Variants in ITIH3 observed in about 807,000 individuals in gnomAD.
ITIH3 encodes the protein inter-alpha-trypsin inhibitor heavy chain 3, also known as inter-alpha-trypsin inhibitor heavy chain H3.
ITIH3 carries 81 observed loss-of-function variants against 96.5 expected under a neutral mutation model. That is an observed-to-expected ratio of 0.84 (90% CI 0.70 to 1.01). The LOEUF (loss-of-function observed/expected upper bound fraction) is 1.01. Among genes scored for constraint, ITIH3 ranks in the 50% least tolerant of loss-of-function variants. The probability of loss-of-function intolerance (pLI) is 0.00; values close to 1 mark genes in which losing one functional copy is unlikely to be tolerated. For missense variants in ITIH3, 1,057 were observed against 1,139.3 expected (o/e 0.93, Z 1.04); for synonymous variants, 422 against 445.2 (o/e 0.95, Z 0.66).
rs887013082 is a variant in ITIH3 at position 52,796,345 on chromosome 3, G to T, written c.115-136G>T. ...AGACGCCACCAAGTCTTCCAGTGTAGAAGACCTGGAGGATGAGGGTTGCGT... is the reference window on the plus strand; with the variant it reads ...AGACGCCACCAAGTCTTCCAGTGTATAAGACCTGGAGGATGAGGGTTGCGT... On this transcript the variant is annotated intron_variant, in intron 2 of 21. Transcript: ENST00000449956. 4.3e-6 allele frequency: 3 copies of T among 701,492 alleles called. No individual in the cohort carries two copies. In the African/African-American group the frequency reaches 5.4e-5, roughly 13 times the overall value. 43.5% of individuals were successfully genotyped at this position (701,492 alleles called of 1,614,324 possible).
chr3:52,799,219 C>T, intron 7 of ITIH3, 128 bp downstream of exon 7: 1 of 1,292,520 alleles, frequency 7.7e-7, no homozygotes, highest in Non-Finnish European at 1.1e-6. Flanking sequence ...TGTGGGACAG[C>T]TGATGGCCTA....
Position 52,804,320 on chromosome 3 carries a change from G to T in ITIH3, c.1864+311G>T, listed in dbSNP as rs1578760389. 1.6e-5 allele frequency: 7 copies of T among 447,864 alleles called. No individual in the cohort carries two copies. In the East Asian group the frequency reaches 2.8e-4, roughly 18 times the overall value. The allele number at this position is 447,864 out of a possible 1,614,324, so 27.7% of individuals were successfully genotyped here. On this transcript the variant is annotated intron_variant, in intron 14 of 21. Coordinates refer to ENST00000449956, the MANE Select transcript of ITIH3 (RefSeq NM_002217.4). ...ATGGAAGGGCTTAGTTAGACAAGAAGAAGCACTTCCAACATGAAAGGCCTG... is the reference window on the plus strand; with the variant it reads ...ATGGAAGGGCTTAGTTAGACAAGAATAAGCACTTCCAACATGAAAGGCCTG...
chr3:52,803,948 G>A lies in ITIH3; in HGVS notation c.1803G>A (p.Met601Ile), dbSNP rs779589523. Reference sequence around the variant, plus strand: ...ACTTTGTGACTCCACTGACCTCAATGGTGGTGACCAAGCCTGAGGACAACG... The same window carrying A: ...ACTTTGTGACTCCACTGACCTCAATAGTGGTGACCAAGCCTGAGGACAACG... ...KYHFVTPLTS[M>I]VVTKPEDNED... is the part of the protein sequence containing the mutation. The change falls in exon 14 of 22, where the codon ATG becomes ATA. Residue 601 changes from methionine (M) to isoleucine (I), a missense_variant. Met to Ile is a conservative substitution (Grantham distance 10, BLOSUM62 1). Coordinates refer to ENST00000449956, the MANE Select transcript of ITIH3 (RefSeq NM_002217.4). The A allele has an allele frequency of 4.3e-6, 7 of 1,613,786 alleles. No individual in the cohort carries two copies. The African/African-American group carries it at 9.3e-5, about 22-fold the overall frequency.
chr3:52,796,163 G>A, intron 2 of ITIH3: 1 of 299,284 alleles, frequency 3.3e-6, no homozygotes, highest in Non-Finnish European at 6.2e-6. Context: ...AGGGGCAGAT[G>A]CTCCAGAGCC....
At position 52,799,080 on chromosome 3, in the gene ITIH3, G is replaced by C; in HGVS notation, c.778G>C (p.Gly260Arg). Reference sequence around the variant, plus strand: ...CTATGACGTGAACAGAGAATCTCCTGGCAACGTGCAGGTACCCGGGCTGGC... The same window carrying C: ...CTATGACGTGAACAGAGAATCTCCTCGCAACGTGCAGGTACCCGGGCTGGC... ...ITYDVNRESP[G>R]NVQIVNGYFV... The change falls in exon 7 of 22, where the codon GGC (glycine) becomes CGC (arginine). Residue 260 changes from glycine to arginine, a missense_variant. Physicochemically the swap from Gly to Arg is moderately radical, Grantham distance 125 (BLOSUM62 -2). Transcript: ENST00000449956. The C allele has an allele frequency of 6.2e-7, 1 of 1,613,512 alleles. No individual in the cohort carries two copies. The highest frequency in any genetic ancestry group is 8.5e-7 in the Non-Finnish European group (1 of 1,179,732).
Position 52,797,287 on chromosome 3 carries a change from G to A in ITIH3, c.549+20G>A, listed in dbSNP as rs1301979160. 7 of 1,585,040 alleles carry A rather than the reference G, an allele frequency of 4.4e-6. No individual in the cohort carries two copies. The highest frequency in any genetic ancestry group is 6.0e-6 in the Non-Finnish European group (7 of 1,162,762). ...TTTGAGGTAATCAACCGCCCCTGCA[G>A]ACCTGGGGGGACGGCAGCGGGGTGC... On this transcript the variant is annotated intron_variant, in intron 5 of 21. Transcript: ENST00000449956.
In ITIH3 at chr3:52,803,931, A is replaced by T. The variant is rs1433505888; in HGVS notation, c.1786A>T (p.Thr596Ser). The T allele has an allele frequency of 6.2e-7, 1 of 1,613,624 alleles. No individual in the cohort carries two copies. The highest frequency in any genetic ancestry group is 8.5e-7 in the Non-Finnish European group (1 of 1,179,760). The change falls in exon 14 of 22, where the codon ACT becomes TCT. Residue 596 changes from threonine (T) to serine (S), a missense_variant. Thr to Ser is a moderately conservative substitution (Grantham distance 58). Transcript: ENST00000449956. ...CCTGTCCCTCAAGTATCACTTTGTG[A>T]CTCCACTGACCTCAATGGTGGTGAC... ...LDLSLKYHFVTPLTSMVVTKP... is the reference protein window; with the variant it reads ...LDLSLKYHFVSPLTSMVVTKP...
chr3:52,804,415 C>T (rs1437459280), intron 14 of ITIH3: 20 of 450,210 alleles, frequency 4.4e-5, no homozygotes, highest in Non-Finnish European at 8.0e-5. Flanking sequence ...GGGACCCCCT[C>T]AACCAGACCC....
At chr3:52,801,467 CA>C (rs1421698639) in intron 11 of ITIH3, among the ~76,000 whole-genome samples, 1 of 152,164 alleles carries the variant, frequency 6.6e-6, no homozygotes, top group Non-Finnish European at 1.5e-5. Flanking sequence ...GCTGCCATAC[CA>C]AAGTACCAAG....
chr3:52,804,036 C>T (rs1254161142), intron 14 of ITIH3, 27 bp downstream of exon 14: 1 of 1,601,270 alleles, frequency 6.2e-7, no homozygotes, highest in Admixed American at 1.7e-5. Flanking sequence ...AGGCCGGAAC[C>T]CGGAGGCCTC....
chr3:52,801,300 T>C (rs1229779264), intron 11 of ITIH3, among the ~76,000 whole-genome samples, 154 bp downstream of exon 11: 1 of 152,222 alleles, frequency 6.6e-6, no homozygotes, highest in African/African-American at 2.4e-5. Context: ...AAGATTCTGA[T>C]TTTGTCCTTG....
At position 52,797,285 on chromosome 3, in the gene ITIH3, C is replaced by A. The variant is rs1231663262; in HGVS notation, c.549+18C>A. On this transcript the variant is annotated intron_variant, in intron 5 of 21. Coordinates refer to ENST00000449956, the MANE Select transcript of ITIH3 (RefSeq NM_002217.4). ...ACTTTGAGGTAATCAACCGCCCCTG[C>A]AGACCTGGGGGGACGGCAGCGGGGT... The A allele has an allele frequency of 6.3e-7, 1 of 1,593,116 alleles. No homozygotes were observed. The highest frequency in any genetic ancestry group is 1.3e-5 in the African/African-American group (1 of 74,716).
intron 15 of ITIH3, chr3:52,805,277 C>T (rs985790704): frequency 5.7e-5 from 57 of 1,008,434 alleles, no homozygotes; most frequent in Non-Finnish European, 6.4e-5. Context: ...GCCTCCCCAG[C>T]CCCTACTGGC....
chr3:52,804,724 A>G lies in ITIH3; in HGVS notation c.1865-2A>G. ...CTTCTTCCTCCCTTGCTGCACCTGC[A>G]GATGCAGAAGGTAAGCCTTTAGCCA... On this transcript the variant is annotated splice_acceptor_variant, in intron 14 of 21. Transcript: ENST00000449956. LOFTEE classifies it high-confidence loss of function. The G allele has an allele frequency of 6.3e-7, 1 of 1,587,338 alleles. No individual in the cohort carries two copies.
chr3:52,801,258 A>G, intron 11 of ITIH3, 112 bp downstream of exon 11: 1 of 954,126 alleles, frequency 1.0e-6, no homozygotes, highest in Non-Finnish European at 1.5e-6. Flanking sequence ...TTGGGTCAAA[A>G]TCCACCTCTG....
Position 52,801,011 on chromosome 3 carries a change from C to CG in ITIH3, c.1253dup (p.Lys419GlnfsTer6). 2 of 1,614,066 alleles carry CG rather than the reference C, an allele frequency of 1.2e-6. No homozygotes were observed. The highest frequency in any genetic ancestry group is 1.7e-6 in the Non-Finnish European group (2 of 1,179,902). ...TCCAAGAGAATGTGCGGAATGCCAT[C>CG]GGGGGCAAGTTCCCCTTGTATAACC... On this transcript the variant is annotated frameshift_variant, in exon 11 of 22. Coordinates refer to ENST00000449956, the MANE Select transcript of ITIH3 (RefSeq NM_002217.4). LOFTEE classifies it high-confidence loss of function.
In ITIH3 at chr3:52,796,547, A is replaced by G. The variant is rs777224219; in HGVS notation, c.181A>G (p.Asn61Asp). Reference sequence around the variant, plus strand: ...CAAGGTGACCTCCCGTTTTGCTCACAATGTTGTCACCATGAGAGCCGTCAA... The same window carrying G: ...CAAGGTGACCTCCCGTTTTGCTCACGATGTTGTCACCATGAGAGCCGTCAA... ...NSKVTSRFAH[N>D]VVTMRAVNRA... The change falls in exon 3 of 22, where the codon AAT becomes GAT. Residue 61 changes from asparagine to aspartate, a missense_variant. Asn to Asp is a conservative substitution (Grantham distance 23, BLOSUM62 1). Transcript: ENST00000449956. 8.1e-6 allele frequency: 13 copies of G among 1,613,604 alleles called. No individual in the cohort carries two copies. Among genetic ancestry groups the G allele is most frequent in the East Asian group, 2.2e-5 (1 of 44,896 alleles).
intron 15 of ITIH3, 98 bp downstream of exon 15, chr3:52,804,832 G>C (rs1699979325): frequency 2.2e-6 from 3 of 1,344,150 alleles, no homozygotes; most frequent in Admixed American, 3.9e-5. Context: ...CCAGCCATGG[G>C]GGCACACTTG....
intron 20 of ITIH3, 23 bp from the exon 21 acceptor site, chr3:52,808,087 A>G: frequency 6.2e-7 from 1 of 1,610,350 alleles, no homozygotes. Context: ...AGGGGCTGAC[A>G]GCATGAATAT....
Sources: allele counts gnomAD v4.1 joint callset (sites outside exome capture counted in the v4.1 genomes callset), GRCh38; gene constraint gnomAD v4.1.1; transcripts MANE v1.5; gene names NCBI Gene and HGNC (gene_info 2026-07-23, HGNC 2026-07-21).